Variants in CPNE4 observed in about 807,000 individuals in gnomAD.
CPNE4 encodes copine-4.
CPNE4 carries 25 observed loss-of-function variants against 67.9 expected under a neutral mutation model. The ratio of observed to expected loss-of-function variants is 0.37; its 90% CI spans 0.27 to 0.51. The LOEUF is 0.51. Among genes scored for constraint, CPNE4 ranks in the 20% least tolerant of loss-of-function variants. The pLI is 0.93. For synonymous variants in CPNE4, 242 were observed against 244.9 expected (o/e 0.99, Z 0.11); for missense variants, 464 against 690.8 (o/e 0.67, Z 3.68).
chr3:131,832,033 C>CTCTCTGT (rs1281326645), intron 2 of CPNE4, among the ~76,000 whole-genome samples: 2 of 152,190 alleles, frequency 1.3e-5, no homozygotes, highest in Admixed American at 6.5e-5. Context: ...GACCAAAATA[C>CTCTCTGT]TCTCTGTTCA....
At chr3:132,020,463 C>T (rs1036301935) in intron 1 of CPNE4, among the ~76,000 whole-genome samples, 3 of 152,154 alleles carry the variant, frequency 2.0e-5, no homozygotes, top group Non-Finnish European at 2.9e-5. Flanking sequence ...AGAGAAACTC[C>T]GGCTGTCTTC....
At chr3:131,767,068 ATGT>A (rs2083037877) in intron 2 of CPNE4, among the ~76,000 whole-genome samples, 1 of 152,208 alleles carries the variant, frequency 6.6e-6, no homozygotes, top group African/African-American at 2.4e-5. Context: ...ATGCCTGTTA[ATGT>A]TGTATCCACA....
intron 2 of CPNE4, among the ~76,000 whole-genome samples, chr3:131,743,962 C>CAAAAAAAAAAAAAAAAAAAAA (rs67791015): frequency 1.7e-5 from 1 of 59,204 alleles, no homozygotes; most frequent in African/African-American, 7.4e-5. Context: ...GACTCCGTCT[C>CAAAAAAAAAAAAAAAAAAAAA]AAAAAAAAAA....
chr3:131,849,453 G>A (rs567611333), intron 2 of CPNE4, among the ~76,000 whole-genome samples: 1 of 151,930 alleles, frequency 6.6e-6, no homozygotes, highest in Non-Finnish European at 1.5e-5. Context: ...AGAGAGAAGG[G>A]GGTGATGCTA....
intron 14 of CPNE4, among the ~76,000 whole-genome samples, chr3:131,543,784 G>T (rs1230171300): frequency 6.6e-6 from 1 of 152,222 alleles, no homozygotes; most frequent in African/African-American, 2.4e-5. Flanking sequence ...AAGAGGGTCA[G>T]GGTTGCAGTC....
intron 9 of CPNE4, among the ~76,000 whole-genome samples, chr3:131,576,707 C>T (rs1235553477): frequency 1.3e-5 from 2 of 151,954 alleles, no homozygotes; most frequent in Non-Finnish European, 2.9e-5. Context: ...AAAGCATGGG[C>T]AAACCATTTA....
chr3:131,576,724 G>T (rs1433522337), intron 9 of CPNE4, among the ~76,000 whole-genome samples: 4 of 151,172 alleles, frequency 2.6e-5, no homozygotes, highest in African/African-American at 7.3e-5. Context: ...TTTACTGTGT[G>T]TTTTTTTTTC....
At chr3:131,854,820 CCCT>C (rs1405334964) in intron 2 of CPNE4, among the ~76,000 whole-genome samples, 3 of 151,510 alleles carry the variant, frequency 2.0e-5, no homozygotes, top group Non-Finnish European at 4.4e-5. Context: ...CTCCTTCTCT[CCCT>C]CCTTTCATTT....
At chr3:131,977,211 T>G (rs79350625) in intron 1 of CPNE4, among the ~76,000 whole-genome samples, 4,010 of 152,254 alleles carry the variant, frequency 0.026, 173 homozygotes, top group African/African-American at 0.09. Context: ...AGCAACAATA[T>G]TCAAGCATCT....
intron 2 of CPNE4, among the ~76,000 whole-genome samples, chr3:131,842,953 A>G (rs533710661): frequency 2.0e-5 from 3 of 152,242 alleles, no homozygotes; most frequent in Admixed American, 2.0e-4. Context: ...CCACAAATCC[A>G]TATCCTGAGT....
intron 7 of CPNE4, among the ~76,000 whole-genome samples, chr3:131,631,934 C>T (rs58754176): frequency 0.037 from 5,502 of 147,726 alleles, 341 homozygotes; most frequent in African/African-American, 0.13. Context: ...CTCACTCTGT[C>T]GCCCAGGCTG....
At chr3:131,739,268 T>G (rs1185280839) in intron 2 of CPNE4, among the ~76,000 whole-genome samples, 2 of 152,176 alleles carry the variant, frequency 1.3e-5, no homozygotes, top group South Asian at 4.2e-4. Context: ...CCTGCCCTAA[T>G]CACCAGGTAC....
intron 1 of CPNE4, among the ~76,000 whole-genome samples, chr3:132,020,267 C>T (rs542877157): frequency 3.3e-5 from 5 of 152,326 alleles, no homozygotes; most frequent in East Asian, 3.9e-4. Flanking sequence ...AGGGCTGCTC[C>T]GTCTGAATCC....
At chr3:131,927,051 C>T (rs551432163) in intron 1 of CPNE4, among the ~76,000 whole-genome samples, 1 of 152,242 alleles carries the variant, frequency 6.6e-6, no homozygotes, top group East Asian at 1.9e-4. Context: ...TAGCTAGTGC[C>T]ATTTACTGAC....
chr3:131,815,584 ATATG>A (rs1173435410), intron 2 of CPNE4, among the ~76,000 whole-genome samples: 2 of 152,202 alleles, frequency 1.3e-5, no homozygotes, highest in Non-Finnish European at 2.9e-5. Context: ...GCCTATATAT[ATATG>A]TAAGTAAGTC....
intron 1 of CPNE4, among the ~76,000 whole-genome samples, chr3:131,936,948 C>A (rs1278057351): frequency 6.7e-6 from 1 of 149,324 alleles, no homozygotes. Flanking sequence ...GACATAAAAA[C>A]TAAAAATGAG....
chr3:132,013,898 G>A (rs1471001302), intron 1 of CPNE4, among the ~76,000 whole-genome samples: 1 of 152,118 alleles, frequency 6.6e-6, no homozygotes, highest in Non-Finnish European at 1.5e-5. Context: ...AGAGCCTGTG[G>A]TCCTAACTTC....
chr3:131,976,138 C>T (rs1391783782), intron 1 of CPNE4, among the ~76,000 whole-genome samples: 2 of 148,344 alleles, frequency 1.3e-5, no homozygotes, highest in Non-Finnish European at 3.0e-5. Flanking sequence ...CCTCAACCTC[C>T]TGTAAAACAT....
intron 1 of CPNE4, among the ~76,000 whole-genome samples, chr3:131,954,027 T>G (rs149415569): frequency 6.6e-6 from 1 of 152,158 alleles, no homozygotes; most frequent in Non-Finnish European, 1.5e-5. Flanking sequence ...ACAATTATTA[T>G]GTATAAATAA....
Sources: gnomAD v4.1 joint callset for allele counts (sites outside exome capture counted in the v4.1 genomes callset) on GRCh38, gnomAD v4.1.1 for gene constraint, MANE v1.5 for transcripts, NCBI Gene and HGNC (gene_info 2026-07-23, HGNC 2026-07-21) for gene names.